The following SDK1 variants were observed in gnomAD, a reference collection of about 807,000 sequenced individuals.
The protein encoded by SDK1 is protein sidekick-1.
Under a neutral mutation model 245.5 loss-of-function variants are expected in SDK1, and 157 were observed. The ratio of observed to expected loss-of-function variants is 0.64; its 90% CI spans 0.56 to 0.73. The LOEUF is 0.73. SDK1 is among the 30% of genes least tolerant of loss of function. The pLI is 0.00. For synonymous variants in SDK1, 1,647 were observed against 1,278.5 expected, an observed-to-expected ratio of 1.29 and a Z score of -6.15; for missense variants, 3,583 against 3,002.3, an observed-to-expected ratio of 1.19 and a Z score of -4.52.
At chr7:3,478,782 C>G (rs1172377809) in intron 1 of SDK1, among the ~76,000 whole-genome samples, 1 of 151,952 alleles carries the variant, frequency 6.6e-6, no homozygotes, top group Non-Finnish European at 1.5e-5. Context: ...GAATTTGATG[C>G]TTAGCTTGTT....
chr7:3,567,772 A>G (rs1218383248), intron 1 of SDK1, among the ~76,000 whole-genome samples: 2 of 152,112 alleles, frequency 1.3e-5, no homozygotes, highest in East Asian at 3.8e-4. Flanking sequence ...AACATTCTAC[A>G]TGGTTCTTTC....
chr7:3,457,779 C>T (rs991489976), intron 1 of SDK1, among the ~76,000 whole-genome samples: 36 of 152,262 alleles, frequency 2.4e-4, no homozygotes, highest in African/African-American at 7.9e-4. Context: ...ACACCACCAC[C>T]TTCTCCCTGT....
chr7:3,978,455 C>T (rs777729045), intron 13 of SDK1, among the ~76,000 whole-genome samples: 1 of 152,162 alleles, frequency 6.6e-6, no homozygotes, highest in African/African-American at 2.4e-5. Flanking sequence ...GAAATCTCTG[C>T]AAATTTGTGA....
intron 1 of SDK1, among the ~76,000 whole-genome samples, chr7:3,410,170 G>C (rs1372103718): frequency 3.9e-5 from 6 of 152,084 alleles, no homozygotes; most frequent in Non-Finnish European, 7.4e-5. Flanking sequence ...TATTATTGCA[G>C]GTTGAACATC....
intron 1 of SDK1, among the ~76,000 whole-genome samples, chr7:3,506,914 A>T (rs1782412723): frequency 6.6e-6 from 1 of 151,464 alleles, no homozygotes; most frequent in South Asian, 2.1e-4. Context: ...TCATTGCTAT[A>T]TCTGTTTATA....
At chr7:3,447,788 T>A (rs1780389092) in intron 1 of SDK1, among the ~76,000 whole-genome samples, 1 of 145,874 alleles carries the variant, frequency 6.9e-6, no homozygotes, top group Admixed American at 7.1e-5. Context: ...CACCGCAACC[T>A]CTGCCTCCCG....
chr7:3,631,261 T>G (rs74545886), intron 2 of SDK1, among the ~76,000 whole-genome samples: 2,012 of 152,256 alleles, frequency 0.013, 52 homozygotes, highest in African/African-American at 0.046. Context: ...TATTTTCTTT[T>G]AATCTATTGA....
intron 5 of SDK1, among the ~76,000 whole-genome samples, chr7:3,831,317 T>C (rs1172780385): frequency 6.6e-6 from 1 of 152,214 alleles, no homozygotes; most frequent in Non-Finnish European, 1.5e-5. Flanking sequence ...TTTTAGTTAC[T>C]TTCTAGACTA....
At chr7:3,593,280 T>G (rs1321927845) in intron 1 of SDK1, among the ~76,000 whole-genome samples, 1 of 152,156 alleles carries the variant, frequency 6.6e-6, no homozygotes, top group African/African-American at 2.4e-5. Flanking sequence ...ACTGCCCCTG[T>G]GCTTCCCTTT....
chr7:3,915,131 CCAAATAACAGGGTCTACATG>C (rs1779324370), intron 5 of SDK1, among the ~76,000 whole-genome samples: 1 of 152,154 alleles, frequency 6.6e-6, no homozygotes, highest in Admixed American at 6.5e-5. Context: ...AGGGTATTTT[CCAAATAACAGGGTCTACATG>C]CAAATGACGT....
At chr7:4,045,625 C>T (rs185036500) in intron 17 of SDK1, among the ~76,000 whole-genome samples, 178 of 152,238 alleles carry the variant, frequency 1.2e-3, no homozygotes, top group African/African-American at 3.3e-3. Flanking sequence ...ACGTGGCTCG[C>T]GCATGTTTAA....
chr7:3,639,002 A>G lies in SDK1; in HGVS notation c.459-2A>G. ...TTAACACTTCTTTTTGCTATTCAAC[A>G]GGTACATTATTCCATCTTTGCAGAA... On this transcript the variant is annotated splice_acceptor_variant, in intron 2 of 44. Transcript: ENST00000404826. LOFTEE classifies it high-confidence loss of function. The G allele has an allele frequency of 6.3e-7, 1 of 1,585,208 alleles. No homozygotes were observed. The highest frequency in any genetic ancestry group is 8.6e-7 in the Non-Finnish European group (1 of 1,157,836).
chr7:3,400,871 T>C (rs935592637), intron 1 of SDK1, among the ~76,000 whole-genome samples: 3 of 152,164 alleles, frequency 2.0e-5, no homozygotes, highest in Non-Finnish European at 2.9e-5. Flanking sequence ...TTCAAAGCCA[T>C]TCTTACGGCC....
rs1583841027 is a variant in SDK1, at chr7:3,427,437, T to G, written c.298+125553T>G. On this transcript the variant is annotated intron_variant, in intron 1 of 44. Coordinates refer to ENST00000404826, the MANE Select transcript of SDK1 (RefSeq NM_152744.4). ...GGGAGGCTGGAGCAGGAGAATCACTTGAACCTGGGAGAGGGAGGTTGCAGT... is the reference window on the plus strand; with the variant it reads ...GGGAGGCTGGAGCAGGAGAATCACTGGAACCTGGGAGAGGGAGGTTGCAGT... Among the ~76,000 whole-genome samples the G allele has an allele frequency of 2.0e-5, 3 of 151,030 alleles. No individual in the cohort carries two copies. In the East Asian group the frequency reaches 5.9e-4, roughly 29 times the overall value.
intron 4 of SDK1, among the ~76,000 whole-genome samples, chr7:3,676,918 G>A (rs1417928711): frequency 6.6e-6 from 1 of 152,116 alleles, no homozygotes; most frequent in Non-Finnish European, 1.5e-5. Flanking sequence ...AGGCCTTGTA[G>A]TATAGTTTGA....
At chr7:3,403,595 A>G (rs1415853881) in intron 1 of SDK1, among the ~76,000 whole-genome samples, 1 of 151,688 alleles carries the variant, frequency 6.6e-6, no homozygotes, top group Non-Finnish European at 1.5e-5. Flanking sequence ...ATATCTAGAT[A>G]TCTGAGTAAA....
In SDK1 at chr7:3,748,524, C is replaced by T. The variant is rs185592089; in HGVS notation, c.714-72926C>T. Among the ~76,000 whole-genome samples the T allele has an allele frequency of 3.1e-4, 47 of 152,274 alleles. 1 individual carries two copies. The highest frequency in any genetic ancestry group is 1.1e-3 in the African/African-American group (44 of 41,566). ...AGGTCTCCTTCACTGTGTATGTTTC[C>T]ATTAAGGACCCTTAAGGTTCAGAGT... is the stretch of plus-strand genomic sequence containing the variant. On this transcript the variant is annotated intron_variant, in intron 4 of 44. Transcript: ENST00000404826.
At position 3,378,165 on chromosome 7, in the gene SDK1, C is replaced by A. The variant is rs569237766; in HGVS notation, c.298+76281C>A. Among the ~76,000 whole-genome samples, 10 of 152,318 alleles carry A rather than the reference C, an allele frequency of 6.6e-5. No homozygotes were observed. The South Asian group carries it at 2.1e-3, about 32-fold the overall frequency. ...GAGCTTCTCTTGGATCCCTTGAGAACTGCTCTCAGTCATCTTTCGGGGGCT... is the reference window on the plus strand; with the variant it reads ...GAGCTTCTCTTGGATCCCTTGAGAAATGCTCTCAGTCATCTTTCGGGGGCT... On this transcript the variant is annotated intron_variant, in intron 1 of 44. Transcript: ENST00000404826.
intron 1 of SDK1, among the ~76,000 whole-genome samples, chr7:3,486,286 A>G (rs1227442319): frequency 1.3e-5 from 2 of 151,878 alleles, no homozygotes; most frequent in Non-Finnish European, 2.9e-5. Flanking sequence ...TTTCTATTGT[A>G]CTTTATTTGG....
Sources: allele counts gnomAD v4.1 joint callset (sites outside exome capture counted in the v4.1 genomes callset), GRCh38; gene constraint gnomAD v4.1.1; transcripts MANE v1.5; gene names NCBI Gene and HGNC (gene_info 2026-07-23, HGNC 2026-07-21).